Variants in TBX10 observed in about 807,000 individuals in gnomAD.
TBX10 encodes T-box transcription factor TBX10.
TBX10 carries 26 observed loss-of-function variants against 32.4 expected under a neutral mutation model. The observed-to-expected ratio is 0.80, with a 90% CI of 0.59 to 1.11. The LOEUF (loss-of-function observed/expected upper bound fraction) is 1.11, where lower values mean the gene tolerates loss of function less well. Among genes scored for constraint, TBX10 ranks in the 50% most tolerant of loss-of-function variants. The probability of loss-of-function intolerance (pLI) is 0.00; values close to 1 mark genes in which losing one functional copy is unlikely to be tolerated. For synonymous variants in TBX10, 195 were observed against 203.1 expected (o/e 0.96, Z 0.34); for missense variants, 490 against 494.5 (o/e 0.99, Z 0.09).
intron 4 of TBX10, 144 bp from the exon 5 acceptor site, chr11:67,633,247 G>C (rs1855268659): frequency 9.4e-7 from 1 of 1,066,172 alleles, no homozygotes; most frequent in East Asian, 2.4e-5. Flanking sequence ...CTGAGCTGGA[G>C]AGGCTGCAGT....
upstream of TBX10, among the ~76,000 whole-genome samples, chr11:67,640,899 G>A (rs1855395164): frequency 6.6e-6 from 1 of 152,154 alleles, no homozygotes; most frequent in African/African-American, 2.4e-5. Context: ...GAGCTGGATG[G>A]GACCCCACAC....
At chr11:67,632,292 C>T (rs1324102724) in intron 7 of TBX10, 26 bp downstream of exon 7, 3 of 1,612,410 alleles carry the variant, frequency 1.9e-6, no homozygotes, top group Non-Finnish European at 2.5e-6. Flanking sequence ...CTTAGTCCCA[C>T]TATGTCTGCA....
At chr11:67,637,093 A>C (rs1470742594) in intron 1 of TBX10, among the ~76,000 whole-genome samples, 2 of 152,210 alleles carry the variant, frequency 1.3e-5, no homozygotes, top group African/African-American at 4.8e-5. Context: ...CAAAGGACAA[A>C]TACCATATGA....
intron 1 of TBX10, among the ~76,000 whole-genome samples, chr11:67,635,556 G>C (rs893362823): frequency 3.3e-5 from 5 of 152,148 alleles, no homozygotes; most frequent in Non-Finnish European, 7.4e-5. Flanking sequence ...TGGAGCCTCA[G>C]TTTCCACATC....
At chr11:67,632,897 C>T (rs753214283) in intron 5 of TBX10, 51 bp downstream of exon 5, 1 of 1,613,728 alleles carries the variant, frequency 6.2e-7, no homozygotes, top group Non-Finnish European at 8.5e-7. Flanking sequence ...GCTCAGTCTC[C>T]ACCCCTGTGA....
chr11:67,639,402 G>GCGCCC, intron 1 of TBX10, 64 bp downstream of exon 1: 1 of 288,592 alleles, frequency 3.5e-6, no homozygotes, highest in Non-Finnish European at 7.0e-6. Flanking sequence ...TTCCCACCCT[G>GCGCCC]CCCACCCACC....
rs372881982 is a variant in TBX10 at position 67,631,828 on chromosome 11, G to T, written c.935C>A (p.Pro312Gln). The T allele has an allele frequency of 1.0e-5, 16 of 1,584,274 alleles. No individual in the cohort carries two copies. The highest frequency in any genetic ancestry group is 1.4e-5 in the Non-Finnish European group (16 of 1,165,660). The change falls in exon 8 of 8, where the codon CCA becomes CAA. Residue 312 changes from proline to glutamine, a missense_variant. Transcript: ENST00000335385. Reference sequence around the variant, plus strand: ...GGCCGGGGCCAGCAGGACCTCAGGTGGGGGCAGCAGCTGATGATGGAGCCA... The same window carrying T: ...GGCCGGGGCCAGCAGGACCTCAGGTTGGGGCAGCAGCTGATGATGGAGCCA... ...PAWLHHQLLP[P>Q]PEVLLAPATY... is the part of the protein sequence containing the mutation.
At chr11:67,641,309 G>A (rs1436538112), upstream of TBX10, among the ~76,000 whole-genome samples, 1 of 152,110 alleles carries the variant, frequency 6.6e-6, no homozygotes, top group African/African-American at 2.4e-5. Context: ...ACACTGACAT[G>A]CTAACCCACA....
chr11:67,633,095 G>A lies in TBX10; in HGVS notation c.558C>T (p.Leu186=), dbSNP rs11227870. 8.7e-3 allele frequency: 14,098 copies of A among 1,613,926 alleles called. 1,056 individuals are homozygous for A. The African/African-American group carries it at 0.17, about 19-fold the overall frequency. Residue 186 remains leucine, a synonymous_variant, in exon 5 of 8, where the codon CTC becomes CTT. Coordinates refer to ENST00000335385, the MANE Select transcript of TBX10 (RefSeq NM_005995.5). ...NLLDDNGHII[L]NSMHRYQPRF... The stretch of plus-strand genomic sequence containing the variant: ...GGGGCTGGTAGCGGTGCATAGAGTT[G>A]AGAATGATCTGTGGAAGGGACAGAG...
At position 67,639,691 on chromosome 11, in the gene TBX10, CT is replaced by C. The variant is rs566128928; in HGVS notation, c.-220del. 45 of 649,912 alleles carry C rather than the reference CT, an allele frequency of 6.9e-5. No homozygotes were observed. The highest frequency in any genetic ancestry group is 6.8e-4 in the African/African-American group (38 of 56,172). The allele number at this position is 649,912 out of a possible 1,614,324, so 40.3% of individuals were successfully genotyped here. A position where few individuals can be genotyped will look rare whatever the true frequency, so the allele number is the denominator to read the frequency against. ...TGGTCTTCCTACTCGAGCTGGACCC[CT>C]GGTCTCCGAAGGTGAGATGCAGGCT... On this transcript the variant is annotated 5_prime_UTR_variant, in exon 1 of 8. Transcript: ENST00000335385.
At chr11:67,635,403 C>T in intron 1 of TBX10, 140 bp from the exon 2 acceptor site, 2 of 1,247,760 alleles carry the variant, frequency 1.6e-6, no homozygotes, top group Non-Finnish European at 2.3e-6. Flanking sequence ...CCCCACTCAG[C>T]ATCACTCTGT....
At chr11:67,634,461 C>T in intron 3 of TBX10, 101 bp from the exon 4 acceptor site, 5 of 1,421,034 alleles carry the variant, frequency 3.5e-6, no homozygotes, top group Non-Finnish European at 4.8e-6. Flanking sequence ...ACACTGCTCA[C>T]CCCACCTGGT....
intron 6 of TBX10, 27 bp downstream of exon 6, chr11:67,632,576 G>T (rs1035384820): frequency 6.2e-7 from 1 of 1,613,000 alleles, no homozygotes; most frequent in Admixed American, 1.7e-5. Flanking sequence ...GTGGGGGTGA[G>T]GGGCTAGGGT....
chr11:67,641,185 C>T (rs1229753204), upstream of TBX10, among the ~76,000 whole-genome samples: 8 of 152,088 alleles, frequency 5.3e-5, no homozygotes, highest in Non-Finnish European at 1.0e-4. Flanking sequence ...TCCCCTTCAC[C>T]GAGACACCCA....
rs76784670 is a variant in TBX10, at chr11:67,635,489, A to G, written c.8-226T>C. Among the ~76,000 whole-genome samples, 1,448 of 152,274 alleles carry G rather than the reference A, an allele frequency of 9.5e-3. 25 individuals are homozygous for G. The highest frequency in any genetic ancestry group is 0.033 in the African/African-American group (1,370 of 41,544). ...AGTGTCAGGGCCTGTCTTGCTCCCC[A>G]GAGAATGTTTGGGCCATCTTGTGTC... On this transcript the variant is annotated intron_variant, in intron 1 of 7. Coordinates refer to ENST00000335385, the MANE Select transcript of TBX10 (RefSeq NM_005995.5).
Position 67,631,495 on chromosome 11 carries a change from C to T in TBX10, c.*110G>A. The stretch of plus-strand genomic sequence containing the variant: ...GCCTCTTTCTCTAGACTTTCACCTA[C>T]CCTGCTCTCCTTGAGACAGAGATGG... On this transcript the variant is annotated 3_prime_UTR_variant, in exon 8 of 8. Coordinates refer to ENST00000335385, the MANE Select transcript of TBX10 (RefSeq NM_005995.5). 7.1e-7 allele frequency: 1 copy of T among 1,406,856 alleles called. No individual in the cohort carries two copies. The highest frequency in any genetic ancestry group is 9.7e-7 in the Non-Finnish European group (1 of 1,033,046). The allele number at this position is 1,406,856 out of a possible 1,614,324, so 87.1% of individuals were successfully genotyped here.
chr11:67,633,041 G>GCGTGGGTCCA lies in TBX10; in HGVS notation c.602_611dup (p.Lys205GlyfsTer7). ...CCTGGGCATAGCGCTCACTGTCCTT[G>GCGTGGGTCCA]CGTGGGTCCACGAAGACCACGTGGA... is the stretch of plus-strand genomic sequence containing the variant. On this transcript the variant is annotated frameshift_variant, in exon 5 of 8. Coordinates refer to ENST00000335385, the MANE Select transcript of TBX10 (RefSeq NM_005995.5). LOFTEE classifies it high-confidence loss of function. 1 of 1,614,166 alleles carries GCGTGGGTCCA rather than the reference G, an allele frequency of 6.2e-7. No individual in the cohort carries two copies. Among genetic ancestry groups the GCGTGGGTCCA allele is most frequent in the Non-Finnish European group, 8.5e-7 (1 of 1,179,990 alleles).
chr11:67,632,292 C>A (rs1324102724), intron 7 of TBX10, 26 bp downstream of exon 7: 1 of 1,612,292 alleles, frequency 6.2e-7, no homozygotes, highest in Admixed American at 1.7e-5. Flanking sequence ...CTTAGTCCCA[C>A]TATGTCTGCA....
At chr11:67,632,815 T>G in intron 5 of TBX10, 133 bp downstream of exon 5, 1 of 1,559,482 alleles carries the variant, frequency 6.4e-7, no homozygotes, top group Non-Finnish European at 8.8e-7. Flanking sequence ...GGCAGGGCCT[T>G]GACTGATGGC....
Sources: allele counts gnomAD v4.1 joint callset (sites outside exome capture counted in the v4.1 genomes callset), GRCh38; gene constraint gnomAD v4.1.1; transcripts MANE v1.5; gene names NCBI Gene and HGNC (gene_info 2026-07-23, HGNC 2026-07-21).